The following SMPD4 variants were observed in gnomAD, a reference collection of about 807,000 sequenced individuals.
The protein encoded by SMPD4 is sphingomyelin phosphodiesterase 4, also known as neutral sphingomyelinase 3.
Under a neutral mutation model 97.8 loss-of-function variants are expected in SMPD4, and 58 were observed. The ratio of observed to expected loss-of-function variants is 0.59; its 90% confidence interval spans 0.48 to 0.74. The LOEUF (loss-of-function observed/expected upper bound fraction) is 0.74. Ranked by LOEUF, SMPD4 falls within the 30% of genes least tolerant of loss-of-function variation. SMPD4 has a pLI of 0.00. For missense variants in SMPD4, 853 were observed against 1,080.5 expected (o/e 0.79, Z 2.95); for synonymous variants, 388 against 450.0 (o/e 0.86, Z 1.74).
intron 11 of SMPD4, among the ~76,000 whole-genome samples, chr2:130,160,101 A>AC (rs376784209): frequency 6.7e-4 from 102 of 151,820 alleles, no homozygotes; most frequent in African/African-American, 2.4e-3. Context: ...CCAAAGCCGC[A>AC]CATTTCCCAC....
At position 130,156,669 on chromosome 2, in the gene SMPD4, A is replaced by T. The variant is rs536653974; in HGVS notation, c.1104T>A (p.Ala368=). 6.2e-7 allele frequency: 1 copy of T among 1,613,350 alleles called. No individual in the cohort carries two copies. Among genetic ancestry groups the T allele is most frequent in the Admixed American group, 1.7e-5 (1 of 59,968 alleles). ...TSPLEEFKRA[A]VPRFVQQKLY... ...GTTTCTGCTGGACGAACCTCGGGACAGCAGCCCTGCAGGGGATGGGGAGGG... is the reference window on the plus strand; with the variant it reads ...GTTTCTGCTGGACGAACCTCGGGACTGCAGCCCTGCAGGGGATGGGGAGGG... Residue 368 remains alanine, a synonymous_variant, in exon 13 of 20, where the codon GCT becomes GCA. Coordinates refer to ENST00000680298, the MANE Select transcript of SMPD4 (RefSeq NM_017951.5).
At chr2:130,163,918 T>A (rs1196705055) in intron 10 of SMPD4, among the ~76,000 whole-genome samples, 1 of 152,200 alleles carries the variant, frequency 6.6e-6, no homozygotes, top group East Asian at 1.9e-4. Context: ...TGCTTGCTCA[T>A]GCTCTGGAGA....
At chr2:130,180,996 TTTTG>T (rs1689538902) in intron 1 of SMPD4, among the ~76,000 whole-genome samples, 1 of 152,178 alleles carries the variant, frequency 6.6e-6, no homozygotes, top group Non-Finnish European at 1.5e-5. Flanking sequence ...TTTTGTTTTG[TTTTG>T]TTTTTCTGAC....
intron 3 of SMPD4, 69 bp downstream of exon 3, chr2:130,174,845 G>A (rs545835053): frequency 6.6e-6 from 8 of 1,205,708 alleles, no homozygotes; most frequent in African/African-American, 4.5e-5. Context: ...GGGAAATTAG[G>A]AATTATAATA....
chr2:130,156,647 T>G lies in SMPD4; in HGVS notation c.1126A>C (p.Lys376Gln), dbSNP rs915919987. The part of the protein sequence containing the change: ...RAAVPRFVQQ[K>Q]LYLFLQHCFG... Reference sequence around the variant, plus strand: ...CAATGCTGCAAGAAGAGGTAGAGTTTCTGCTGGACGAACCTCGGGACAGCA... The same window carrying G: ...CAATGCTGCAAGAAGAGGTAGAGTTGCTGCTGGACGAACCTCGGGACAGCA... The change falls in exon 13 of 20, where the codon AAA (lysine) becomes CAA (glutamine). Residue 376 changes from lysine (K) to glutamine (Q), a missense_variant. Lys to Gln is a moderately conservative substitution (Grantham distance 53). Around this residue, in one of 3 missense-constraint regions of SMPD4, gnomAD observed 511 missense variants for 608.1 expected, o/e 0.84. Transcript: ENST00000680298. 1.2e-5 allele frequency: 20 copies of G among 1,613,754 alleles called. No individual in the cohort carries two copies. The highest frequency in any genetic ancestry group is 1.6e-5 in the Non-Finnish European group (19 of 1,179,896).
At chr2:130,175,183 G>A (rs148590390) in intron 2 of SMPD4, among the ~76,000 whole-genome samples, 183 bp from the exon 3 acceptor site, 63 of 152,214 alleles carry the variant, frequency 4.1e-4, no homozygotes, top group Non-Finnish European at 7.9e-4. Flanking sequence ...AGGAGAGGCC[G>A]TAGTTCTATG....
intron 15 of SMPD4, chr2:130,154,820 G>A: frequency 5.0e-6 from 3 of 600,276 alleles, no homozygotes. Context: ...GGGAGAAACA[G>A]CGGGGTCACG....
Position 130,157,333 on chromosome 2 carries a change from C to T in SMPD4, c.1015G>A (p.Ala339Thr), listed in dbSNP as rs1686914171. ...VVRLLLKHLH[A>T]FANSLKPEQA... ...TCTGGCTTCAGGCTGTTGGCAAAGG[C>T]GTGCAGGTGCTTCAGCAGCAGGCGC... Residue 339 changes from alanine to threonine, a missense_variant, in exon 12 of 20, where the codon GCC (alanine) becomes ACC (threonine). Physicochemically the swap from Ala to Thr is moderately conservative, Grantham distance 58 (BLOSUM62 0). Transcript: ENST00000680298. 8.8e-6 allele frequency: 14 copies of T among 1,593,912 alleles called. No individual in the cohort carries two copies. The highest frequency in any genetic ancestry group is 1.7e-5 in the Admixed American group (1 of 57,272).
At chr2:130,175,882 G>A (rs955539639) in intron 2 of SMPD4, among the ~76,000 whole-genome samples, 7 of 152,194 alleles carry the variant, frequency 4.6e-5, no homozygotes, top group African/African-American at 1.7e-4. Flanking sequence ...GGGGTGCACT[G>A]AGGAAGAATG....
chr2:130,160,784 G>A (rs1376462780), intron 11 of SMPD4, among the ~76,000 whole-genome samples: 4 of 152,170 alleles, frequency 2.6e-5, no homozygotes, highest in East Asian at 1.9e-4. Flanking sequence ...AGGCCTCTGC[G>A]TCTTCAGCTC....
In SMPD4 at chr2:130,156,021, G is replaced by T. The variant is rs1686750976; in HGVS notation, c.1289+14C>A. ...GGAGCCAGTGGCATGTCTGTGAGAG[G>T]AGCTGAGGCTCACCATTTCTCCGAC... On this transcript the variant is annotated intron_variant, in intron 14 of 19. Transcript: ENST00000680298. The T allele has an allele frequency of 6.2e-7, 1 of 1,609,580 alleles. No individual in the cohort carries two copies. Among genetic ancestry groups the T allele is most frequent in the African/African-American group, 1.3e-5 (1 of 74,790 alleles).
chr2:130,160,945 G>GCCACATGC (rs1196083267), intron 11 of SMPD4, among the ~76,000 whole-genome samples: 7 of 152,266 alleles, frequency 4.6e-5, no homozygotes, highest in African/African-American at 1.7e-4. Context: ...GACAGCCAGG[G>GCCACATGC]CCACATGCCC....
intron 9 of SMPD4, among the ~76,000 whole-genome samples, chr2:130,165,492 A>G: frequency 6.6e-6 from 1 of 152,192 alleles, no homozygotes; most frequent in East Asian, 1.9e-4. Flanking sequence ...AATAAACACA[A>G]TGTGGTACAT....
intron 18 of SMPD4, 48 bp downstream of exon 18, chr2:130,153,271 G>A (rs1441684305): frequency 1.9e-6 from 3 of 1,612,822 alleles, no homozygotes; most frequent in Non-Finnish European, 2.5e-6. Context: ...GGGAGCTGGG[G>A]ACGGGTCAGG....
chr2:130,161,045 C>A, intron 11 of SMPD4, 141 bp downstream of exon 11: 2 of 730,168 alleles, frequency 2.7e-6, no homozygotes, highest in Non-Finnish European at 4.6e-6. Flanking sequence ...GGAGGCTGAC[C>A]CCTGCCTCCC....
At chr2:130,179,337 G>A (rs546041510) in intron 1 of SMPD4, among the ~76,000 whole-genome samples, 1 of 151,974 alleles carries the variant, frequency 6.6e-6, no homozygotes, top group Non-Finnish European at 1.5e-5. Context: ...TAGCCAGGAT[G>A]GTCTCGATCT....
Position 130,154,302 on chromosome 2 carries a change from A to G in SMPD4, c.1634T>C (p.Met545Thr). 1 of 1,609,410 alleles carries G rather than the reference A, an allele frequency of 6.2e-7. No homozygotes were observed. Among genetic ancestry groups the G allele is most frequent in the South Asian group, 1.1e-5 (1 of 90,772 alleles). ...LEGQDCKYTPMFGPEARTLVL... is the reference protein window; with the variant it reads ...LEGQDCKYTPTFGPEARTLVL... ...CAGGGTGCGGGCCTCGGGCCCAAAC[A>G]TCGGGGTGTACTTGCAGTCCTGGCC... Residue 545 changes from methionine to threonine, a missense_variant, in exon 16 of 20, where the codon ATG (methionine) becomes ACG (threonine). Physicochemically the swap from Met to Thr is moderately conservative, Grantham distance 81. Around this residue, in one of 3 missense-constraint regions of SMPD4, gnomAD observed 511 missense variants for 608.1 expected, o/e 0.84. Coordinates refer to ENST00000680298, the MANE Select transcript of SMPD4 (RefSeq NM_017951.5).
At position 130,153,804 on chromosome 2, in the gene SMPD4, G is replaced by A. The variant is rs1353828284; in HGVS notation, c.1791C>T (p.Gly597=). 1.2e-6 allele frequency: 2 copies of A among 1,614,020 alleles called. No homozygotes were observed. The part of the protein sequence containing the change: ...WLGFSSMDTN[G]SYTANDLDEM... ...CGTCCAGGTCGTTGGCTGTGTAGGA[G>A]CCATTGGTGTCCATGGAGCTAAAGC... Residue 597 remains glycine, a synonymous_variant, in exon 17 of 20, where the codon GGC becomes GGT. Transcript: ENST00000680298.
intron 8 of SMPD4, among the ~76,000 whole-genome samples, chr2:130,168,450 G>T (rs1467001121): frequency 2.0e-5 from 3 of 151,922 alleles, no homozygotes; most frequent in African/African-American, 7.3e-5. Context: ...TGAAAAAATA[G>T]GAGAATCAAA....
Sources: allele counts gnomAD v4.1 joint callset (sites outside exome capture counted in the v4.1 genomes callset), GRCh38; gene constraint gnomAD v4.1.1; regional missense constraint gnomAD v4.1.1; transcripts MANE v1.5; gene names NCBI Gene and HGNC (gene_info 2026-07-23, HGNC 2026-07-21).